Variants in KDM4B observed in about 807,000 individuals in gnomAD.
The protein encoded by KDM4B is lysine-specific demethylase 4B.
In KDM4B, 32 loss-of-function variants were observed where a neutral mutation model predicts 125.2. That is an observed-to-expected ratio of 0.26 (90% CI 0.19 to 0.34). The LOEUF (loss-of-function observed/expected upper bound fraction) is 0.34, where lower values mean the gene tolerates loss of function less well. Ranked by LOEUF, KDM4B falls within the 10% of genes least tolerant of loss-of-function variation. The probability of loss-of-function intolerance (pLI) is 1.00; values close to 1 mark genes in which losing one functional copy is unlikely to be tolerated. For missense variants in KDM4B, 1,190 were observed against 1,577.7 expected (o/e 0.75, Z 4.16); for synonymous variants, 721 against 677.9 (o/e 1.06, Z -0.99).
At position 5,001,573 on chromosome 19, in the gene KDM4B, G is replaced by C. The variant is rs146859275; in HGVS notation, c.-108-14684G>C. Reference sequence around the variant, plus strand: ...CCTGGTGTATATGGATTTTCACATTGGTGGAAGGGTATCTTCATGGTAGAT... The same window carrying C: ...CCTGGTGTATATGGATTTTCACATTCGTGGAAGGGTATCTTCATGGTAGAT... On this transcript the variant is annotated intron_variant, in intron 1 of 22. Transcript: ENST00000159111. Among the ~76,000 whole-genome samples, 662 of 152,326 alleles carry C rather than the reference G, an allele frequency of 4.3e-3. 26 individuals carry two copies. In the South Asian group the frequency reaches 0.065, roughly 15 times the overall value.
rs538527375 is a variant in KDM4B at position 5,030,931 on chromosome 19, A to G, written c.-25-1935A>G. ...CCTCTGAGGGCTGGGGACCAGTAGG[A>G]GGCCTGAGGTGACCGCGTTCTGCCA... is the stretch of plus-strand genomic sequence containing the variant. On this transcript the variant is annotated intron_variant, in intron 2 of 22. Transcript: ENST00000159111. 2.0e-5 allele frequency among the ~76,000 whole-genome samples: 3 copies of G among 152,332 alleles called. No individual in the cohort carries two copies. In the South Asian group the frequency reaches 6.2e-4, roughly 32 times the overall value.
chr19:5,050,924 A>C (rs1419025019), intron 6 of KDM4B, among the ~76,000 whole-genome samples: 1 of 152,110 alleles, frequency 6.6e-6, no homozygotes, highest in Non-Finnish European at 1.5e-5. Flanking sequence ...ATAAATAAAT[A>C]AAAAGACCCT....
intron 22 of KDM4B, among the ~76,000 whole-genome samples, chr19:5,150,845 T>G (rs983187949): frequency 6.6e-6 from 1 of 152,212 alleles, no homozygotes; most frequent in Non-Finnish European, 1.5e-5. Flanking sequence ...GGCACCCCAG[T>G]TGTCGGCTTA....
rs1334350816 is a variant in KDM4B, at chr19:5,151,480, A to T, written c.3260A>T (p.Gln1087Leu). 2 of 1,500,082 alleles carry T rather than the reference A, an allele frequency of 1.3e-6. No individual in the cohort carries two copies. The highest frequency in any genetic ancestry group is 4.3e-5 in the Admixed American group (2 of 46,832). 92.9% of individuals were successfully genotyped at this position (1,500,082 alleles called of 1,614,324 possible). Residue 1087 changes from glutamine to leucine, a missense_variant, in exon 23 of 23, where the codon CAG becomes CTG. By Grantham distance (113) the Gln-to-Leu change is moderately radical. Coordinates refer to ENST00000159111, the MANE Select transcript of KDM4B (RefSeq NM_015015.3). ...GTGGCCTTCGTGGAGAGCCTCCTGC[A>T]GGTGCAGGGCCGGCCCGGAGCCCCC... is the stretch of plus-strand genomic sequence containing the variant. Reference protein sequence around the residue: ...DYVAFVESLLQVQGRPGAPF With the variant: ...DYVAFVESLLLVQGRPGAPF
At position 4,970,365 on chromosome 19, in the gene KDM4B, C is replaced by A. The variant is rs1397448947; in HGVS notation, c.-109+1135C>A. On this transcript the variant is annotated intron_variant, in intron 1 of 22. Coordinates refer to ENST00000159111, the MANE Select transcript of KDM4B (RefSeq NM_015015.3). ...GAGAAGGTGGTTCAGCTCCGTGGAGCCTAGTGATCCTGTCATATGTGAAGA... is the reference window on the plus strand; with the variant it reads ...GAGAAGGTGGTTCAGCTCCGTGGAGACTAGTGATCCTGTCATATGTGAAGA... Among the ~76,000 whole-genome samples, 4 of 152,328 alleles carry A rather than the reference C, an allele frequency of 2.6e-5. No individual in the cohort carries two copies. In the East Asian group the frequency reaches 5.8e-4, roughly 22 times the overall value.
intron 1 of KDM4B, among the ~76,000 whole-genome samples, chr19:5,003,861 C>A (rs530334253): frequency 6.6e-6 from 1 of 152,234 alleles, no homozygotes; most frequent in South Asian, 2.1e-4. Context: ...CTCTGTCCCC[C>A]ACACAGTCTC....
chr19:4,979,556 C>G (rs2034567493), intron 1 of KDM4B, among the ~76,000 whole-genome samples: 2 of 152,156 alleles, frequency 1.3e-5, no homozygotes, highest in Admixed American at 1.3e-4. Flanking sequence ...GTTACCCGAA[C>G]CAGTGTGATC....
intron 13 of KDM4B, among the ~76,000 whole-genome samples, chr19:5,132,971 C>A (rs1304130893): frequency 6.6e-6 from 1 of 152,168 alleles, no homozygotes; most frequent in Non-Finnish European, 1.5e-5. Context: ...AGACCTGGGC[C>A]TCCACCTCGG....
intron 2 of KDM4B, among the ~76,000 whole-genome samples, chr19:5,023,469 C>T (rs1018415489): frequency 2.6e-5 from 4 of 152,196 alleles, no homozygotes; most frequent in Admixed American, 6.5e-5. Context: ...CTGGCTGCAT[C>T]GCGGGTTCCT....
At chr19:5,034,167 A>G (rs1490278572) in intron 3 of KDM4B, among the ~76,000 whole-genome samples, 1 of 151,980 alleles carries the variant, frequency 6.6e-6, no homozygotes, top group Non-Finnish European at 1.5e-5. Flanking sequence ...TTGGTGCTGC[A>G]CGTTTCACGG....
intron 1 of KDM4B, among the ~76,000 whole-genome samples, chr19:5,008,591 C>CTTTTTTTTTTTTTTT (rs550611814): frequency 1.5e-5 from 2 of 135,548 alleles, no homozygotes; most frequent in Admixed American, 7.5e-5. Context: ...TTTTCTTTTT[C>CTTTTTTTTTTTTTTT]TTTTTTTTTT....
chr19:5,145,622 C>T (rs897737913), intron 21 of KDM4B, among the ~76,000 whole-genome samples: 1 of 152,026 alleles, frequency 6.6e-6, no homozygotes, highest in African/African-American at 2.4e-5. Flanking sequence ...GAAATAAAAG[C>T]GTGGAATTTT....
intron 13 of KDM4B, 61 bp downstream of exon 13, chr19:5,132,068 G>C: frequency 6.7e-7 from 1 of 1,499,760 alleles, no homozygotes; most frequent in South Asian, 1.3e-5. Context: ...GCTGCTGCTG[G>C]AGGGGGGGCC....
In KDM4B at chr19:5,078,791, G is replaced by A. The variant is rs1424034842; in HGVS notation, c.780+1321G>A. On this transcript the variant is annotated intron_variant, in intron 8 of 22. Transcript: ENST00000159111. This position sits in a 1 kb window ranked among gnomAD's most constrained non-coding sequence, Gnocchi z 4.5. ...GGTGGCTCACCACCAGCCTCAGAGC[G>A]GCTGCTGGCACCATGCATGGTAGCA... The A allele has an allele frequency of 1.3e-5, 2 of 152,090 alleles. No individual in the cohort carries two copies. The highest frequency in any genetic ancestry group is 6.5e-5 in the Admixed American group (1 of 15,268). The allele number at this position is 152,090 out of a possible 1,614,324, so 9.4% of individuals were successfully genotyped here.
chr19:5,108,862 C>T lies in KDM4B; in HGVS notation c.919-1760C>T, dbSNP rs1048364944. ...CACGCGGTCCCTGGGCCCGCCTCTC[C>T]CCAGCAGGAGATGAGGTCTGTGCCC... On this transcript the variant is annotated intron_variant, in intron 9 of 22. Coordinates refer to ENST00000159111, the MANE Select transcript of KDM4B (RefSeq NM_015015.3). 1.2e-3 allele frequency among the ~76,000 whole-genome samples: 189 copies of T among 152,274 alleles called. 1 individual carries two copies. The highest frequency in any genetic ancestry group is 4.4e-3 in the African/African-American group (182 of 41,554).
At chr19:5,019,079 T>G (rs1196915258) in intron 2 of KDM4B, among the ~76,000 whole-genome samples, 1 of 93,248 alleles carries the variant, frequency 1.1e-5, no homozygotes, top group East Asian at 7.8e-4. Context: ...GGTGTGCAGG[T>G]GCTGGTGTGG....
chr19:5,141,720 C>T lies in KDM4B; in HGVS notation c.2551-2247C>T, dbSNP rs751885855. Among the ~76,000 whole-genome samples the T allele has an allele frequency of 3.9e-5, 6 of 152,206 alleles. No individual in the cohort carries two copies. Among genetic ancestry groups the T allele is most frequent in the African/African-American group, 7.2e-5 (3 of 41,454 alleles). ...AGTCAGGGGGCTCCGGCTGGCCGCCCGCCTGGGCCAAGTTATCACCACGTT... is the reference window on the plus strand; with the variant it reads ...AGTCAGGGGGCTCCGGCTGGCCGCCTGCCTGGGCCAAGTTATCACCACGTT... On this transcript the variant is annotated intron_variant, in intron 18 of 22. Transcript: ENST00000159111. The surrounding 1 kb of genome is among the most constrained non-coding windows in gnomAD (Gnocchi z 6.4).
At chr19:4,994,667 CT>C (rs939205012) in intron 1 of KDM4B, among the ~76,000 whole-genome samples, 8 of 147,996 alleles carry the variant, frequency 5.4e-5, no homozygotes, top group African/African-American at 1.7e-4. Flanking sequence ...CAATTTCTGT[CT>C]TTTGATTGGA....
intron 6 of KDM4B, among the ~76,000 whole-genome samples, chr19:5,059,270 G>A (rs1193981842): frequency 1.3e-5 from 2 of 152,232 alleles, no homozygotes; most frequent in African/African-American, 4.8e-5. Flanking sequence ...GCAGCGCATG[G>A]CTTCCTCCCC....
Sources: allele counts gnomAD v4.1 joint callset (sites outside exome capture counted in the v4.1 genomes callset), GRCh38; gene constraint gnomAD v4.1.1; non-coding constraint Gnocchi (gnomAD v3.1); transcripts MANE v1.5; gene names NCBI Gene and HGNC (gene_info 2026-07-23, HGNC 2026-07-21).